The following PTGDR2 variants were observed in gnomAD, a reference collection of about 807,000 sequenced individuals.
The protein encoded by PTGDR2 is prostaglandin D2 receptor 2.
For synonymous variants in PTGDR2, 276 were observed against 278.4 expected (o/e 0.99, Z 0.09); for missense variants, 544 against 576.6 (o/e 0.94, Z 0.58).
Position 60,852,040 on chromosome 11 carries a change from TTCCTC to T in PTGDR2, c.*490_*494del, listed in dbSNP as rs1855275025. ...GGCTGGAACAGTGCTTCTCAAACCTTTCCTCTCTCTTCTCCAAAAATACATGGATG... is the reference window on the plus strand; with the variant it reads ...GGCTGGAACAGTGCTTCTCAAACCTTTCTCTTCTCCAAAAATACATGGATG... On this transcript the variant is annotated 3_prime_UTR_variant, in exon 2 of 2. Coordinates refer to ENST00000332539, the MANE Select transcript of PTGDR2 (RefSeq NM_004778.3). 1 of 154,402 alleles carries T rather than the reference TTCCTC, an allele frequency of 6.5e-6. No homozygotes were observed. The allele number at this position is 154,402 out of a possible 1,614,324, so 9.6% of individuals were successfully genotyped here. A position where few individuals can be genotyped will look rare whatever the true frequency, so the allele number is the denominator to read the frequency against.
chr11:60,852,363 AAC>A lies in PTGDR2; in HGVS notation c.*170_*171del. The A allele has an allele frequency of 4.1e-6, 2 of 484,040 alleles. No individual in the cohort carries two copies. The highest frequency in any genetic ancestry group is 6.5e-6 in the Non-Finnish European group (2 of 305,648). 30.0% of individuals were successfully genotyped at this position (484,040 alleles called of 1,614,324 possible). A position where few individuals can be genotyped will look rare whatever the true frequency, so the allele number is the denominator to read the frequency against. ...ATCAAGGTTTGAGAAGCACTGCTTTAACTCACTGTTTCTGAAAAAGATTCAGA... is the reference window on the plus strand; with the variant it reads ...ATCAAGGTTTGAGAAGCACTGCTTTATCACTGTTTCTGAAAAAGATTCAGA... On this transcript the variant is annotated 3_prime_UTR_variant, in exon 2 of 2. Coordinates refer to ENST00000332539, the MANE Select transcript of PTGDR2 (RefSeq NM_004778.3).
chr11:60,854,272 C>T (rs1855327145), intron 1 of PTGDR2, among the ~76,000 whole-genome samples: 1 of 152,234 alleles, frequency 6.6e-6, no homozygotes, highest in Non-Finnish European at 1.5e-5. Context: ...TACAGATCCT[C>T]CATGCAGCTC....
intron 1 of PTGDR2, 133 bp downstream of exon 1, chr11:60,855,736 C>T (rs998943497): frequency 6.6e-6 from 1 of 152,338 alleles, no homozygotes; most frequent in African/African-American, 2.4e-5. Flanking sequence ...ACCAAGTCCC[C>T]TCCAGTCTTT....
intron 1 of PTGDR2, among the ~76,000 whole-genome samples, chr11:60,855,396 C>T (rs946961075): frequency 1.3e-5 from 2 of 151,738 alleles, no homozygotes; most frequent in Admixed American, 6.6e-5. Context: ...CCTTGGGCAC[C>T]ACCAGATCAG....
intron 1 of PTGDR2, 45 bp from the exon 2 acceptor site, chr11:60,853,776 C>T (rs2134810174): frequency 1.3e-5 from 18 of 1,438,040 alleles, no homozygotes; most frequent in East Asian, 2.5e-5. Flanking sequence ...GTGCAGAGGC[C>T]ACCGGGGAAC....
In PTGDR2 at chr11:60,852,422, T is replaced by C. The variant is rs1855282816; in HGVS notation, c.*113A>G. 6 of 965,298 alleles carry C rather than the reference T, an allele frequency of 6.2e-6. No homozygotes were observed. The highest frequency in any genetic ancestry group is 1.7e-5 in the African/African-American group (1 of 59,036). The allele number at this position is 965,298 out of a possible 1,614,324, so 59.8% of individuals were successfully genotyped here. ...CGGGGCGCTTTAAAATGCAGGTGCC[T>C]GGGTCCCGCCCCTCGGACTTTGATC... On this transcript the variant is annotated 3_prime_UTR_variant, in exon 2 of 2. Coordinates refer to ENST00000332539, the MANE Select transcript of PTGDR2 (RefSeq NM_004778.3).
chr11:60,852,567 G>A lies in PTGDR2; in HGVS notation c.1156C>T (p.Leu386=). The change falls in exon 2 of 2, where the codon CTG becomes TTG. Residue 386 remains leucine (L), a synonymous_variant. Transcript: ENST00000332539. ...GAGGTGCTGCTCAGCGCCCGGTTCA[G>A]GGGGCCCGTCTGCGGGGACGCTGCG... is the stretch of plus-strand genomic sequence containing the variant. ...SCAASPQTGP[L]NRALSSTSS 3 of 1,282,426 alleles carry A rather than the reference G, an allele frequency of 2.3e-6. No homozygotes were observed. Among genetic ancestry groups the A allele is most frequent in the South Asian group, 2.7e-5 (1 of 36,372 alleles). The allele number at this position is 1,282,426 out of a possible 1,614,324, so 79.4% of individuals were successfully genotyped here. A position where few individuals can be genotyped will look rare whatever the true frequency, so the allele number is the denominator to read the frequency against.
intron 1 of PTGDR2, among the ~76,000 whole-genome samples, chr11:60,854,901 G>A (rs558533342): frequency 6.6e-6 from 1 of 152,286 alleles, no homozygotes; most frequent in East Asian, 1.9e-4. Context: ...CCTACTCCAA[G>A]GAAGAGAGGA....
chr11:60,853,633 G>A lies in PTGDR2; in HGVS notation c.90C>T (p.Tyr30=). 1 of 1,557,402 alleles carries A rather than the reference G, an allele frequency of 6.4e-7. No individual in the cohort carries two copies. The highest frequency in any genetic ancestry group is 8.7e-7 in the Non-Finnish European group (1 of 1,150,202). The change falls in exon 2 of 2, where the codon TAC becomes TAT. Residue 30 remains tyrosine, a synonymous_variant. Coordinates refer to ENST00000332539, the MANE Select transcript of PTGDR2 (RefSeq NM_004778.3). ...LQSHSNTSIR[Y]IDHAAVLLHG... ...GCAGCAGCACGGCCGCGTGGTCGAT[G>A]TAGCGGATGCTGGTGTTGCTGTGGC...
chr11:60,853,718 G>C lies in PTGDR2; in HGVS notation c.5C>G (p.Ser2Trp). The C allele has an allele frequency of 6.5e-7, 1 of 1,536,638 alleles. No individual in the cohort carries two copies. Among genetic ancestry groups the C allele is most frequent in the Non-Finnish European group, 8.8e-7 (1 of 1,141,432 alleles). Residue 2 changes from serine (S) to tryptophan (W), a missense_variant, in exon 2 of 2, where the codon TCG becomes TGG. Coordinates refer to ENST00000332539, the MANE Select transcript of PTGDR2 (RefSeq NM_004778.3). Reference sequence around the variant, plus strand: ...GAGTGGCTTCAGTGTGGCGTTGGCCGACATCGTGGGGCTCTGCAGTGGAGG... The same window carrying C: ...GAGTGGCTTCAGTGTGGCGTTGGCCCACATCGTGGGGCTCTGCAGTGGAGG... M[S>W]ANATLKPLCP...
At position 60,852,987 on chromosome 11, in the gene PTGDR2, G is replaced by T; in HGVS notation, c.736C>A (p.Arg246Ser). Reference protein sequence around the residue: ...RGRRRPGRFVRLVAAVVAAFA... With the variant: ...RGRRRPGRFVSLVAAVVAAFA... ...GCGGCCACGACGGCCGCCACCAGGC[G>T]CACGAAGCGGCCTGGCCGCCGGCGG... The change falls in exon 2 of 2, where the codon CGC becomes AGC. Residue 246 changes from arginine to serine, a missense_variant. Physicochemically the swap from Arg to Ser is moderately radical, Grantham distance 110. Coordinates refer to ENST00000332539, the MANE Select transcript of PTGDR2 (RefSeq NM_004778.3). 7.1e-7 allele frequency: 1 copy of T among 1,408,824 alleles called. No homozygotes were observed. The highest frequency in any genetic ancestry group is 9.2e-7 in the Non-Finnish European group (1 of 1,083,814). 87.3% of individuals were successfully genotyped at this position (1,408,824 alleles called of 1,614,324 possible). A position where few individuals can be genotyped will look rare whatever the true frequency, so the allele number is the denominator to read the frequency against.
chr11:60,854,167 G>T (rs1855325060), intron 1 of PTGDR2, among the ~76,000 whole-genome samples: 3 of 152,178 alleles, frequency 2.0e-5, no homozygotes, highest in Admixed American at 1.3e-4. Flanking sequence ...GGTGAAGGAG[G>T]CCCCACAATT....
At position 60,852,619 on chromosome 11, in the gene PTGDR2, ACG is replaced by A; in HGVS notation, c.1102_1103del (p.Arg368SerfsTer58). 6.1e-6 allele frequency: 8 copies of A among 1,316,210 alleles called. No homozygotes were observed. Among genetic ancestry groups the A allele is most frequent in the Non-Finnish European group, 7.8e-6 (8 of 1,031,540 alleles). 81.5% of individuals were successfully genotyped at this position (1,316,210 alleles called of 1,614,324 possible). A position where few individuals can be genotyped will look rare whatever the true frequency, so the allele number is the denominator to read the frequency against. The stretch of plus-strand genomic sequence containing the variant: ...AGCTGCCCAGCAGCCAGCCGAGGAG[ACG>A]CGCGGGGCCCCGCGGTTCCTCCGGG... ...SRPEEPRGPA[R>X]LLGWLLGSCA... On this transcript the variant is annotated frameshift_variant, in exon 2 of 2. Transcript: ENST00000332539. LOFTEE classifies it low-confidence loss of function (END_TRUNC).
In PTGDR2 at chr11:60,852,242, G is replaced by T. The variant is rs1855278634; in HGVS notation, c.*293C>A. The T allele has an allele frequency of 1.4e-5, 5 of 350,608 alleles. No homozygotes were observed. The South Asian group carries it at 7.6e-4, about 53-fold the overall frequency. 21.7% of individuals were successfully genotyped at this position (350,608 alleles called of 1,614,324 possible). ...TGTGAACCTGCCGCACTGGCTTCTC[G>T]GCCTGGGAGCTTGTTAAGTGCAGAC... On this transcript the variant is annotated 3_prime_UTR_variant, in exon 2 of 2. Transcript: ENST00000332539.
At position 60,851,203 on chromosome 11, in the gene PTGDR2, A is replaced by G. The variant is rs1295774243; in HGVS notation, c.*1332T>C. ...GGGCACCTCACTGTTCCCTTTGCTC[A>G]GCACCTGCTGTGGGCCAGGCCTTCA... On this transcript the variant is annotated 3_prime_UTR_variant, in exon 2 of 2. Transcript: ENST00000332539. The G allele has an allele frequency of 1.3e-5, 2 of 152,316 alleles. No individual in the cohort carries two copies. The highest frequency in any genetic ancestry group is 2.9e-5 in the Non-Finnish European group (2 of 68,074). The allele number at this position is 152,316 out of a possible 1,614,324, so 9.4% of individuals were successfully genotyped here.
In PTGDR2 at chr11:60,853,443, C is replaced by A; in HGVS notation, c.280G>T (p.Gly94Cys). 1 of 1,572,032 alleles carries A rather than the reference C, an allele frequency of 6.4e-7. No homozygotes were observed. Among genetic ancestry groups the A allele is most frequent in the African/African-American group, 1.3e-5 (1 of 74,194 alleles). ...LPFFTYFLAV[G>C]HSWELGTTFC... ...GTGGTGCCCAGCTCCCACGAGTGGC[C>A]CACGGCCAAGAAGTAGGTGAAGAAG... is the stretch of plus-strand genomic sequence containing the variant. The change falls in exon 2 of 2, where the codon GGC becomes TGC. Residue 94 changes from glycine (G) to cysteine (C), a missense_variant. Physicochemically the swap from Gly to Cys is radical, Grantham distance 159. Transcript: ENST00000332539.
At chr11:60,853,790 G>C (rs1855319384) in intron 1 of PTGDR2, 59 bp from the exon 2 acceptor site, 1 of 1,373,288 alleles carries the variant, frequency 7.3e-7, no homozygotes, top group Non-Finnish European at 9.8e-7. Flanking sequence ...GGGGAACCAA[G>C]AGAGAGGCCC....
chr11:60,855,392 G>T (rs1482195931), intron 1 of PTGDR2, among the ~76,000 whole-genome samples: 2 of 151,470 alleles, frequency 1.3e-5, no homozygotes, highest in African/African-American at 2.4e-5. Context: ...ACACCCTTGG[G>T]CACCACCAGA....
rs1855314936 is a variant in PTGDR2 at position 60,853,570 on chromosome 11, T to C, written c.153A>G (p.Gly51=). 6.4e-7 allele frequency: 1 copy of C among 1,555,860 alleles called. No homozygotes were observed. Among genetic ancestry groups the C allele is most frequent in the African/African-American group, 1.4e-5 (1 of 73,274 alleles). Reference sequence around the variant, plus strand: ...GGCAGCCCACCACGAAGAGGATGACTCCATTCTCCACCAGGCCCAGCAGCG... The same window carrying C: ...GGCAGCCCACCACGAAGAGGATGACCCCATTCTCCACCAGGCCCAGCAGCG... ...LASLLGLVEN[G]VILFVVGCRM... is the part of the protein sequence containing the mutation. Residue 51 remains glycine, a synonymous_variant, in exon 2 of 2, where the codon GGA becomes GGG. Coordinates refer to ENST00000332539, the MANE Select transcript of PTGDR2 (RefSeq NM_004778.3).
Sources: allele counts gnomAD v4.1 joint callset (sites outside exome capture counted in the v4.1 genomes callset), GRCh38; gene constraint gnomAD v4.1.1; transcripts MANE v1.5; gene names NCBI Gene and HGNC (gene_info 2026-07-23, HGNC 2026-07-21).